FPGS: variants seen among roughly 807,000 people sequenced by gnomAD.
FPGS encodes the protein folylpolyglutamate synthase.
In FPGS, 53 loss-of-function variants were observed where a neutral mutation model predicts 66.5. That is an observed-to-expected ratio of 0.80 (90% CI 0.64 to 1.00). The LOEUF (loss-of-function observed/expected upper bound fraction) is 1.00. Among genes scored for constraint, FPGS ranks in the 50% least tolerant of loss-of-function variants. FPGS has a pLI of 0.00. For synonymous variants in FPGS, 348 were observed against 350.9 expected (o/e 0.99, Z 0.09); for missense variants, 702 against 807.7 (o/e 0.87, Z 1.59).
chr9:127,810,019 C>T lies in FPGS; in HGVS notation c.1212-12C>T, dbSNP rs199862103. On this transcript the variant is annotated splice_polypyrimidine_tract_variant and intron_variant, in intron 12 of 14. Coordinates refer to ENST00000373247, the MANE Select transcript of FPGS (RefSeq NM_004957.6). ...CGGCGCCCTTTGACCCAGCTCCTCA[C>T]CTCTGTCGCAGTGGCCCCGAGGTTC... The T allele has an allele frequency of 2.5e-4, 410 of 1,608,860 alleles. No individual in the cohort carries two copies. The African/African-American group carries it at 5.0e-3, about 19-fold the overall frequency.
chr9:127,807,453 C>T lies in FPGS; in HGVS notation c.612C>T (p.Gly204=), dbSNP rs367765699. The part of the protein sequence containing the change: ...VDLAVVEVGI[G]GAYDCTNIIR... ...TGGCAGTGGTGGAGGTGGGCATTGG[C>T]GGGGCTTATGACTGCACCAACATCA... Residue 204 remains glycine, a synonymous_variant, in exon 7 of 15, where the codon GGC becomes GGT. Transcript: ENST00000373247. The surrounding 1 kb of genome is among the most constrained non-coding windows in gnomAD (Gnocchi z 5.8). 6 of 1,613,920 alleles carry T rather than the reference C, an allele frequency of 3.7e-6. No individual in the cohort carries two copies. Among genetic ancestry groups the T allele is most frequent in the African/African-American group, 1.3e-5 (1 of 74,924 alleles).
At position 127,807,488 on chromosome 9, in the gene FPGS, C is replaced by T. The variant is rs201580511; in HGVS notation, c.641+6C>T. The T allele has an allele frequency of 1.5e-5, 24 of 1,613,962 alleles. No homozygotes were observed. The Admixed American group carries it at 1.7e-4, about 11-fold the overall frequency. On this transcript the variant is annotated splice_donor_region_variant and intron_variant, in intron 7 of 14. Transcript: ENST00000373247. The surrounding 1 kb of genome is among the most constrained non-coding windows in gnomAD (Gnocchi z 5.8). ...GACTGCACCAACATCATCAGGTGAG[C>T]GCAGTTGCTTGGGACGAGGGGTGGC...
In FPGS at chr9:127,808,254, T is replaced by C; in HGVS notation, c.765T>C (p.Thr255=). The C allele has an allele frequency of 6.2e-7, 1 of 1,614,106 alleles. No individual in the cohort carries two copies. The highest frequency in any genetic ancestry group is 8.5e-7 in the Non-Finnish European group (1 of 1,179,978). The change falls in exon 9 of 15, where the codon ACT becomes ACC. Residue 255 remains threonine, a synonymous_variant. Coordinates refer to ENST00000373247, the MANE Select transcript of FPGS (RefSeq NM_004957.6). ...CACAGCAAGGTGTCCCTGCCTTCAC[T>C]GTGCTCCAACCTGAAGGTCCCCTGG... The part of the protein sequence containing the change: ...GIFKQGVPAF[T]VLQPEGPLAV...
chr9:127,813,603 A>C lies in FPGS; in HGVS notation c.1763A>C (p.Ter588SerextTer19). The C allele has an allele frequency of 6.6e-7, 1 of 1,514,516 alleles. No individual in the cohort carries two copies. Among genetic ancestry groups the C allele is most frequent in the Non-Finnish European group, 8.9e-7 (1 of 1,129,380 alleles). 93.8% of individuals were successfully genotyped at this position (1,514,516 alleles called of 1,614,324 possible). ...LKLLEPALSQ* is the reference protein window; with the variant it reads ...LKLLEPALSQS ...CTGCTGGAGCCCGCACTGTCCCAGT[A>C]GCCAAGGCCCGGGGTTGGAGGTGGG... The change falls in exon 15 of 15, where the codon TAG becomes TCG. Residue 588 changes from the stop codon to serine (S), a stop_lost. Coordinates refer to ENST00000373247, the MANE Select transcript of FPGS (RefSeq NM_004957.6).
In FPGS at chr9:127,807,627, AC is replaced by A; in HGVS notation, c.684del (p.His228GlnfsTer39). ...VCGVSSLGID[H>X]TSLLGDTVEK... The stretch of plus-strand genomic sequence containing the variant: ...GGAGTCTCCTCTCTTGGCATCGACC[AC>A]ACCAGCCTCCTGGGGGATACGGTGG... On this transcript the variant is annotated frameshift_variant, in exon 8 of 15. Coordinates refer to ENST00000373247, the MANE Select transcript of FPGS (RefSeq NM_004957.6). LOFTEE classifies it high-confidence loss of function. The surrounding 1 kb of genome is among the most constrained non-coding windows in gnomAD (Gnocchi z 5.8). The A allele has an allele frequency of 1.2e-6, 2 of 1,609,550 alleles. No homozygotes were observed. Among genetic ancestry groups the A allele is most frequent in the Non-Finnish European group, 1.7e-6 (2 of 1,178,712 alleles).
intron 11 of FPGS, 58 bp from the exon 12 acceptor site, chr9:127,809,626 G>A: frequency 1.3e-6 from 2 of 1,500,014 alleles, no homozygotes; most frequent in East Asian, 2.6e-5. Context: ...GTGTGTGTGC[G>A]GAATTGAGGA....
At chr9:127,808,357 C>T (rs778622701) in intron 9 of FPGS, 46 bp downstream of exon 9, 2 of 1,567,902 alleles carry the variant, frequency 1.3e-6, no homozygotes, top group Admixed American at 3.3e-5. Context: ...GTTTGTGTCC[C>T]TCCTGTTTGA....
chr9:127,804,429 C>T lies in FPGS; in HGVS notation c.267+16C>T. On this transcript the variant is annotated intron_variant, in intron 2 of 14. Transcript: ENST00000373247. ...TGGGCTGCAGGTAAGGTAGAGAGGGCCTGTGACCACCTCCCACCCCCATTT... is the reference window on the plus strand; with the variant it reads ...TGGGCTGCAGGTAAGGTAGAGAGGGTCTGTGACCACCTCCCACCCCCATTT... 1 of 1,613,970 alleles carries T rather than the reference C, an allele frequency of 6.2e-7. No individual in the cohort carries two copies. The highest frequency in any genetic ancestry group is 1.7e-5 in the Admixed American group (1 of 60,004).
chr9:127,809,102 G>T (rs1157426751), intron 11 of FPGS, among the ~76,000 whole-genome samples: 1 of 152,132 alleles, frequency 6.6e-6, no homozygotes, highest in Non-Finnish European at 1.5e-5. Context: ...AGTAGATGAT[G>T]ATAGGAGCCA....
Position 127,808,526 on chromosome 9 carries a change from TCTGCTGACCCG to T in FPGS, c.823-29_823-19del, listed in dbSNP as rs1756170554. 3 of 1,610,480 alleles carry T rather than the reference TCTGCTGACCCG, an allele frequency of 1.9e-6. No homozygotes were observed. The South Asian group carries it at 3.3e-5, about 18-fold the overall frequency. ...AGGGCTGACGTGGTCAGGGAGGGCC[TCTGCTGACCCG>T]CTCCTGCCTGTCTCCCCTAGTGTCC... On this transcript the variant is annotated intron_variant, in intron 9 of 14. Coordinates refer to ENST00000373247, the MANE Select transcript of FPGS (RefSeq NM_004957.6).
downstream of FPGS, chr9:127,814,180 CA>C: frequency 1.0e-6 from 1 of 985,126 alleles, no homozygotes; most frequent in Non-Finnish European, 1.2e-6. Flanking sequence ...TGGCCTGGAA[CA>C]AGTCCCTCCC....
chr9:127,808,156 A>T, intron 8 of FPGS, 78 bp from the exon 9 acceptor site: 1 of 1,066,348 alleles, frequency 9.4e-7, no homozygotes, highest in East Asian at 2.4e-5. Context: ...GGTAGCCCAG[A>T]CCCAGGGATG....
In FPGS at chr9:127,804,552, G is replaced by A; in HGVS notation, c.321G>A (p.Lys107=). Residue 107 remains lysine (K), a splice_region_variant and synonymous_variant, in exon 3 of 15, where the codon AAG becomes AAA. Coordinates refer to ENST00000373247, the MANE Select transcript of FPGS (RefSeq NM_004957.6). The part of the protein sequence containing the change: ...NIIHVTGTKG[K]GSTCAFTECI... ...TCCACGTCACTGGGACGAAGGGGAAGGTGAGGGGCAGGACCCTGGGGTAGG... is the reference window on the plus strand; with the variant it reads ...TCCACGTCACTGGGACGAAGGGGAAAGTGAGGGGCAGGACCCTGGGGTAGG... The A allele has an allele frequency of 1.9e-6, 3 of 1,614,202 alleles. No homozygotes were observed. The highest frequency in any genetic ancestry group is 2.5e-6 in the Non-Finnish European group (3 of 1,180,022).
At chr9:127,813,160 C>T (rs112512118) in intron 14 of FPGS, 35 bp from the exon 15 acceptor site, 1 of 1,530,778 alleles carries the variant, frequency 6.5e-7, no homozygotes, top group Middle Eastern at 1.8e-4. Context: ...ACTCCCTCTC[C>T]CCTTCGCTGA....
intron 14 of FPGS, 22 bp from the exon 15 acceptor site, chr9:127,813,173 G>T (rs1485635857): frequency 8.4e-6 from 13 of 1,540,152 alleles, no homozygotes; most frequent in African/African-American, 1.4e-5. Flanking sequence ...TTCGCTGATA[G>T]GCCTTTCTCT....
Position 127,804,566 on chromosome 9 carries a change from C to A in FPGS, c.321+14C>A, listed in dbSNP as rs1829733307. On this transcript the variant is annotated intron_variant, in intron 3 of 14. Coordinates refer to ENST00000373247, the MANE Select transcript of FPGS (RefSeq NM_004957.6). Reference sequence around the variant, plus strand: ...ACGAAGGGGAAGGTGAGGGGCAGGACCCTGGGGTAGGGGGTCTATTAAGTG... The same window carrying A: ...ACGAAGGGGAAGGTGAGGGGCAGGAACCTGGGGTAGGGGGTCTATTAAGTG... The A allele has an allele frequency of 1.2e-6, 2 of 1,614,152 alleles. No individual in the cohort carries two copies. Among genetic ancestry groups the A allele is most frequent in the East Asian group, 2.2e-5 (1 of 44,890 alleles).
chr9:127,812,880 A>G (rs910170282), intron 14 of FPGS, among the ~76,000 whole-genome samples: 1 of 152,180 alleles, frequency 6.6e-6, no homozygotes, highest in African/African-American at 2.4e-5. Context: ...TCACCTGGTG[A>G]TGGTCCCCAG....
downstream of FPGS, chr9:127,814,264 A>T: frequency 1.9e-6 from 1 of 539,638 alleles, no homozygotes; most frequent in Middle Eastern, 9.7e-4. Flanking sequence ...ACCATATGCC[A>T]GGCAGTGCTT....
Position 127,808,598 on chromosome 9 carries a change from A to C in FPGS, c.863A>C (p.Glu288Ala), listed in dbSNP as rs1303736679. 2.0e-5 allele frequency: 33 copies of C among 1,611,942 alleles called. No homozygotes were observed. The highest frequency in any genetic ancestry group is 2.8e-5 in the Non-Finnish European group (33 of 1,179,654). ...YLCPMLEALEEGGPPLTLGLE... is the reference protein window; with the variant it reads ...YLCPMLEALEAGGPPLTLGLE... ...TGTCCGATGCTGGAGGCCCTCGAGG[A>C]AGGGGGGCCGCCGCTGACCCTGGGC... Residue 288 changes from glutamate (E) to alanine (A), a missense_variant, in exon 10 of 15, where the codon GAA becomes GCA. Glu to Ala is a moderately radical substitution (Grantham distance 107). Coordinates refer to ENST00000373247, the MANE Select transcript of FPGS (RefSeq NM_004957.6).
Sources: allele counts gnomAD v4.1 joint callset (sites outside exome capture counted in the v4.1 genomes callset), GRCh38; gene constraint gnomAD v4.1.1; non-coding constraint Gnocchi (gnomAD v3.1); transcripts MANE v1.5; gene names NCBI Gene and HGNC (gene_info 2026-07-23, HGNC 2026-07-21).